Variants in LRRC49 observed in about 807,000 individuals in gnomAD.
The protein encoded by LRRC49 is leucine rich repeat containing 49.
LRRC49 carries 50 observed loss-of-function variants against 83.3 expected under a neutral mutation model. The ratio of observed to expected loss-of-function variants is 0.60; its 90% CI spans 0.48 to 0.76. The LOEUF (loss-of-function observed/expected upper bound fraction) is 0.76, where lower values mean the gene tolerates loss of function less well. LRRC49 is among the 30% of genes least tolerant of loss of function. The pLI is 0.00. For missense variants in LRRC49, 704 were observed against 809.1 expected, an observed-to-expected ratio of 0.87 and a Z score of 1.58; for synonymous variants, 286 against 283.3, an observed-to-expected ratio of 1.01 and a Z score of -0.10.
At chr15:70,985,443 G>T (rs921650879) in intron 11 of LRRC49, among the ~76,000 whole-genome samples, 6 of 152,164 alleles carry the variant, frequency 3.9e-5, no homozygotes, top group African/African-American at 1.4e-4. Flanking sequence ...AGAAGTGTCT[G>T]TTCATGTCCT....
chr15:70,972,462 T>G (rs1312635049), intron 9 of LRRC49, among the ~76,000 whole-genome samples: 1 of 152,224 alleles, frequency 6.6e-6, no homozygotes, highest in African/African-American at 2.4e-5. Flanking sequence ...ATTATGTGTC[T>G]TGAGGTTGAT....
At chr15:70,992,311 G>A (rs560261437) in intron 11 of LRRC49, among the ~76,000 whole-genome samples, 9 of 152,172 alleles carry the variant, frequency 5.9e-5, no homozygotes, top group African/African-American at 1.4e-4. Flanking sequence ...CTCTCAACTC[G>A]TCAGTCATTC....
intron 14 of LRRC49, among the ~76,000 whole-genome samples, chr15:71,030,735 A>G (rs2039325248): frequency 6.6e-6 from 1 of 151,538 alleles, no homozygotes. Flanking sequence ...TTTTTTCTCT[A>G]ATCTTGTCTT....
chr15:71,000,571 A>G (rs1292412511), intron 11 of LRRC49, among the ~76,000 whole-genome samples: 3 of 152,180 alleles, frequency 2.0e-5, no homozygotes. Flanking sequence ...CCTCTTCATT[A>G]TACCTTAAAA....
At chr15:71,004,986 G>A (rs1200676362) in intron 11 of LRRC49, among the ~76,000 whole-genome samples, 1 of 152,112 alleles carries the variant, frequency 6.6e-6, no homozygotes, top group Admixed American at 6.6e-5. Context: ...AAACCCCCAT[G>A]ACACAGTTTG....
intron 12 of LRRC49, among the ~76,000 whole-genome samples, chr15:71,008,939 C>A (rs144144663): frequency 6.6e-6 from 1 of 151,932 alleles, no homozygotes; most frequent in East Asian, 1.9e-4. Context: ...ACCTATGGTA[C>A]CTGGTAATGG....
At chr15:70,872,410 G>C (rs898077560) in intron 1 of LRRC49, among the ~76,000 whole-genome samples, 2 of 151,250 alleles carry the variant, frequency 1.3e-5, no homozygotes, top group African/African-American at 2.4e-5. Flanking sequence ...AGACGTAGGG[G>C]AGAGGGAGAG....
chr15:70,894,257 TG>T (rs1200194704), intron 2 of LRRC49, among the ~76,000 whole-genome samples: 1 of 152,138 alleles, frequency 6.6e-6, no homozygotes, highest in African/African-American at 2.4e-5. Context: ...ATAGTTTAAT[TG>T]GGGAGGTTTT....
chr15:70,893,705 T>G, intron 2 of LRRC49, 65 bp downstream of exon 2: 1 of 1,222,702 alleles, frequency 8.2e-7, no homozygotes, highest in Non-Finnish European at 1.2e-6. Context: ...AATAGCAGCA[T>G]GACTTAAAGT....
At chr15:70,993,989 G>C (rs547573463) in intron 11 of LRRC49, among the ~76,000 whole-genome samples, 9 of 151,984 alleles carry the variant, frequency 5.9e-5, no homozygotes, top group Middle Eastern at 3.4e-3. Context: ...GGATTTTCCA[G>C]GTGCCCACCA....
At chr15:70,968,758 T>C (rs977336215) in intron 9 of LRRC49, among the ~76,000 whole-genome samples, 2 of 151,906 alleles carry the variant, frequency 1.3e-5, no homozygotes, top group African/African-American at 4.8e-5. Context: ...TTTTTCATGT[T>C]TGATGGCTAC....
chr15:70,955,385 C>T (rs989665868), intron 8 of LRRC49, among the ~76,000 whole-genome samples: 3 of 152,150 alleles, frequency 2.0e-5, no homozygotes, highest in Non-Finnish European at 4.4e-5. Context: ...TCTGTGGTTA[C>T]AAGTAATAAG....
chr15:70,999,663 G>A (rs1048640383), intron 11 of LRRC49, among the ~76,000 whole-genome samples: 4 of 152,072 alleles, frequency 2.6e-5, no homozygotes, highest in Non-Finnish European at 4.4e-5. Flanking sequence ...TTCCAAACAT[G>A]TGTCTGACCC....
intron 14 of LRRC49, among the ~76,000 whole-genome samples, chr15:71,036,542 C>T (rs2039524693): frequency 6.6e-6 from 1 of 152,170 alleles, no homozygotes; most frequent in African/African-American, 2.4e-5. Flanking sequence ...AATCCACCTT[C>T]ATGGAGGACG....
At chr15:70,920,213 G>A (rs1187609298) in intron 7 of LRRC49, among the ~76,000 whole-genome samples, 1 of 152,028 alleles carries the variant, frequency 6.6e-6, no homozygotes, top group Non-Finnish European at 1.5e-5. Flanking sequence ...ACTATAAATG[G>A]TACACTTGAA....
intron 14 of LRRC49, 97 bp downstream of exon 14, chr15:71,013,010 C>A: frequency 1.3e-6 from 1 of 748,304 alleles, no homozygotes; most frequent in East Asian, 2.6e-5. Context: ...TTATGTGTTC[C>A]ATAAACATGT....
chr15:70,990,134 G>T (rs924471298), intron 11 of LRRC49, among the ~76,000 whole-genome samples: 1 of 152,176 alleles, frequency 6.6e-6, no homozygotes, highest in Non-Finnish European at 1.5e-5. Flanking sequence ...CTCCAGCTGC[G>T]TGCTGGGAGA....
At chr15:70,891,805 C>T (rs2033583485), upstream of LRRC49, 1 of 1,491,966 alleles carries the variant, frequency 6.7e-7, no homozygotes, top group Admixed American at 2.2e-5. Context: ...CAGCCAGAGT[C>T]CAGGGGTCCT....
At chr15:70,898,694 G>A (rs1184887222) in intron 3 of LRRC49, among the ~76,000 whole-genome samples, 5 of 152,068 alleles carry the variant, frequency 3.3e-5, no homozygotes, top group Non-Finnish European at 5.9e-5. Flanking sequence ...GAGGTAGGAG[G>A]ATCACTTGAG....
Sources: gnomAD v4.1 joint callset for allele counts (sites outside exome capture counted in the v4.1 genomes callset) on GRCh38, gnomAD v4.1.1 for gene constraint, MANE v1.5 for transcripts, NCBI Gene and HGNC (gene_info 2026-07-23, HGNC 2026-07-21) for gene names.